The following CDH13 variants were observed in gnomAD, a reference collection of about 807,000 sequenced individuals.
CDH13 encodes cadherin-13.
A neutral mutation model predicts 63.8 loss-of-function variants in CDH13; 24 were observed. The observed-to-expected ratio is 0.38, with a 90% CI of 0.27 to 0.53. The LOEUF (loss-of-function observed/expected upper bound fraction) is 0.53. Ranked by LOEUF, CDH13 falls within the 20% of genes least tolerant of loss-of-function variation. The pLI is 0.85. For synonymous variants in CDH13, 503 were observed against 355.3 expected (o/e 1.42, Z -4.67); for missense variants, 1,049 against 903.1 (o/e 1.16, Z -2.07).
intron 6 of CDH13, among the ~76,000 whole-genome samples, chr16:83,371,447 C>G (rs372990496): frequency 6.6e-6 from 1 of 152,152 alleles, no homozygotes; most frequent in Non-Finnish European, 1.5e-5. Flanking sequence ...TCTTGGCATA[C>G]TTATACTTTC....
chr16:83,079,324 T>A (rs2033076156), intron 3 of CDH13, among the ~76,000 whole-genome samples: 1 of 152,180 alleles, frequency 6.6e-6, no homozygotes, highest in African/African-American at 2.4e-5. Flanking sequence ...GGATGGTTAT[T>A]CATATTCTTC....
chr16:82,751,205 T>C (rs2034399917), intron 1 of CDH13, among the ~76,000 whole-genome samples: 1 of 152,214 alleles, frequency 6.6e-6, no homozygotes, highest in South Asian at 2.1e-4. Context: ...GAAGGGCAGA[T>C]TCATGGGCTT....
intron 6 of CDH13, among the ~76,000 whole-genome samples, chr16:83,473,475 C>A (rs1598101526): frequency 6.6e-6 from 1 of 152,316 alleles, no homozygotes; most frequent in South Asian, 2.1e-4. Flanking sequence ...CTGAAACCTC[C>A]TGGAGATCCT....
intron 10 of CDH13, among the ~76,000 whole-genome samples, chr16:83,741,674 C>G (rs1402766728): frequency 1.3e-5 from 2 of 152,138 alleles, no homozygotes; most frequent in Non-Finnish European, 2.9e-5. Flanking sequence ...CTATTGTGCA[C>G]TAATTGCCCA....
chr16:82,909,626 G>A (rs1352144164), intron 2 of CDH13, among the ~76,000 whole-genome samples: 1 of 152,136 alleles, frequency 6.6e-6, no homozygotes, highest in Non-Finnish European at 1.5e-5. Flanking sequence ...TGGCAGGCAA[G>A]AGAGCTCATG....
chr16:83,040,748 T>C (rs942255582), intron 3 of CDH13, among the ~76,000 whole-genome samples: 13 of 152,150 alleles, frequency 8.5e-5, no homozygotes, highest in Non-Finnish European at 2.9e-5. Context: ...CCAATCGAGT[T>C]GACAATCAAT....
chr16:83,054,547 A>G (rs919850221), intron 3 of CDH13, among the ~76,000 whole-genome samples: 6 of 152,118 alleles, frequency 3.9e-5, no homozygotes, highest in African/African-American at 1.4e-4. Context: ...TAGTCACACT[A>G]CTCAGAATGG....
intron 3 of CDH13, among the ~76,000 whole-genome samples, chr16:83,072,982 C>G (rs1478723700): frequency 6.6e-6 from 1 of 152,120 alleles, no homozygotes; most frequent in East Asian, 1.9e-4. Context: ...AGAGTAGTTG[C>G]ATTTACTAGG....
At chr16:82,639,214 G>T in intron 1 of CDH13, 1 of 490,118 alleles carries the variant, frequency 2.0e-6, no homozygotes, top group Non-Finnish European at 3.6e-6. Flanking sequence ...ATAGCTGCCT[G>T]GGATGACTAC....
intron 8 of CDH13, among the ~76,000 whole-genome samples, chr16:83,616,923 A>G (rs1002507812): frequency 6.6e-6 from 1 of 152,144 alleles, no homozygotes; most frequent in South Asian, 2.1e-4. Context: ...GTGCCACTAC[A>G]CACTCTGTTC....
chr16:83,110,712 C>G (rs937295235), intron 3 of CDH13, among the ~76,000 whole-genome samples: 6 of 152,126 alleles, frequency 3.9e-5, no homozygotes, highest in Non-Finnish European at 8.8e-5. Context: ...TCAGACATCT[C>G]TGGATCCAAC....
intron 7 of CDH13, among the ~76,000 whole-genome samples, chr16:83,523,581 C>T (rs887355810): frequency 6.6e-6 from 1 of 152,206 alleles, no homozygotes; most frequent in African/African-American, 2.4e-5. Context: ...CCAAGTGCTC[C>T]TCCATTTCCC....
intron 10 of CDH13, among the ~76,000 whole-genome samples, chr16:83,687,017 C>T (rs772304104): frequency 2.6e-5 from 4 of 152,138 alleles, no homozygotes; most frequent in African/African-American, 4.8e-5. Flanking sequence ...CAAGAACAGC[C>T]TGACCAACAT....
At chr16:83,375,414 A>C (rs149200600) in intron 6 of CDH13, among the ~76,000 whole-genome samples, 8 of 152,318 alleles carry the variant, frequency 5.3e-5, no homozygotes, top group South Asian at 2.1e-4. Flanking sequence ...TATGGAATCA[A>C]ATATTTGTAG....
intron 1 of CDH13, among the ~76,000 whole-genome samples, chr16:82,740,966 C>T (rs1196356074): frequency 6.6e-6 from 1 of 152,106 alleles, no homozygotes; most frequent in Non-Finnish European, 1.5e-5. Flanking sequence ...CTTCTCATGC[C>T]TATATTTTTA....
At chr16:83,467,180 G>A (rs2073337072) in intron 6 of CDH13, among the ~76,000 whole-genome samples, 1 of 152,070 alleles carries the variant, frequency 6.6e-6, no homozygotes, top group Non-Finnish European at 1.5e-5. Context: ...AAACTCAAAC[G>A]CATCTCTCTG....
chr16:83,382,750 C>G (rs1210736949), intron 6 of CDH13, among the ~76,000 whole-genome samples: 2 of 152,210 alleles, frequency 1.3e-5, no homozygotes, highest in African/African-American at 4.8e-5. Flanking sequence ...GTCCAGCTGT[C>G]CTAGTGATGT....
chr16:83,464,358 C>G (rs945185814), intron 6 of CDH13, among the ~76,000 whole-genome samples: 3 of 151,168 alleles, frequency 2.0e-5, no homozygotes, highest in Admixed American at 6.6e-5. Context: ...ACTAAAAATA[C>G]AAAATGAGCC....
chr16:83,460,499 G>A (rs767252605), intron 6 of CDH13, among the ~76,000 whole-genome samples: 25 of 152,152 alleles, frequency 1.6e-4, no homozygotes, highest in Non-Finnish European at 2.1e-4. Flanking sequence ...GCATAGCTCC[G>A]TACCCGGCAG....
Sources: allele counts gnomAD v4.1 joint callset (sites outside exome capture counted in the v4.1 genomes callset), GRCh38; gene constraint gnomAD v4.1.1; transcripts MANE v1.5; gene names NCBI Gene and HGNC (gene_info 2026-07-23, HGNC 2026-07-21).